Variants in CSMD3 observed in about 807,000 individuals in gnomAD.
CSMD3 encodes CUB and Sushi multiple domains 3.
In CSMD3, 177 loss-of-function variants were observed where a neutral mutation model predicts 435.2. The ratio of observed to expected loss-of-function variants is 0.41; its 90% CI spans 0.36 to 0.46. CSMD3 has a LOEUF of 0.46. Ranked by LOEUF, CSMD3 falls within the 20% of genes least tolerant of loss-of-function variation. The pLI is 0.34. For missense variants in CSMD3, 4,265 were observed against 4,504.6 expected, an observed-to-expected ratio of 0.95 and a Z score of 1.52; for synonymous variants, 1,656 against 1,520.5, an observed-to-expected ratio of 1.09 and a Z score of -2.07.
chr8:113,317,276 A>G (rs2093917507), intron 1 of CSMD3, among the ~76,000 whole-genome samples: 1 of 152,148 alleles, frequency 6.6e-6, no homozygotes, highest in South Asian at 2.1e-4. Flanking sequence ...ACCCATTTCT[A>G]TTAGTTTTCT....
At chr8:112,596,576 C>G (rs1050056595) in intron 22 of CSMD3, among the ~76,000 whole-genome samples, 2 of 152,140 alleles carry the variant, frequency 1.3e-5, no homozygotes, top group African/African-American at 2.4e-5. Context: ...TTTTTCAGCA[C>G]CACACCACAC....
chr8:112,847,846 T>C (rs1040391782), intron 11 of CSMD3, among the ~76,000 whole-genome samples: 17 of 152,164 alleles, frequency 1.1e-4, no homozygotes, highest in African/African-American at 3.9e-4. Context: ...TTCTGATGCC[T>C]GAAGACTTTA....
Position 113,080,473 on chromosome 8 carries a change from T to C in CSMD3, c.917+18283A>G, listed in dbSNP as rs552333825. Reference sequence around the variant, plus strand: ...CAGAAAATTGACATATAATGAATAATTTTATTTGCCTTTGAGGAGTTATCT... The same window carrying C: ...CAGAAAATTGACATATAATGAATAACTTTATTTGCCTTTGAGGAGTTATCT... On this transcript the variant is annotated intron_variant, in intron 5 of 70. Transcript: ENST00000297405. Among the ~76,000 whole-genome samples, 9 of 152,242 alleles carry C rather than the reference T, an allele frequency of 5.9e-5. No individual in the cohort carries two copies. The East Asian group carries it at 1.5e-3, about 26-fold the overall frequency.
intron 6 of CSMD3, among the ~76,000 whole-genome samples, chr8:112,985,596 A>G (rs1313393583): frequency 3.9e-5 from 6 of 152,140 alleles, no homozygotes; most frequent in Admixed American, 2.6e-4. Flanking sequence ...GAACTGGGCC[A>G]CACAGCCGAA....
At chr8:113,418,494 T>C (rs961073412) in intron 1 of CSMD3, among the ~76,000 whole-genome samples, 5 of 152,078 alleles carry the variant, frequency 3.3e-5, no homozygotes, top group African/African-American at 9.7e-5. Context: ...CAGAAAGATG[T>C]GGTTAAGTCA....
chr8:112,494,491 TC>T (rs1821055783), intron 30 of CSMD3, among the ~76,000 whole-genome samples: 1 of 100,496 alleles, frequency 1.0e-5, no homozygotes, highest in African/African-American at 2.9e-5. Context: ...TGTTTCTTTC[TC>T]TCCTTTCTTT....
chr8:113,223,741 T>C (rs1334796003), intron 3 of CSMD3, among the ~76,000 whole-genome samples: 2 of 133,880 alleles, frequency 1.5e-5, no homozygotes, highest in East Asian at 4.1e-4. Flanking sequence ...TACTTTAAGC[T>C]GTGTGTGTTT....
At position 112,608,145 on chromosome 8, in the gene CSMD3, T is replaced by A. The variant is rs186735329; in HGVS notation, c.3716-20910A>T. Among the ~76,000 whole-genome samples the A allele has an allele frequency of 5.3e-5, 8 of 152,214 alleles. No individual in the cohort carries two copies. The East Asian group carries it at 1.5e-3, about 29-fold the overall frequency. On this transcript the variant is annotated intron_variant, in intron 22 of 70. Transcript: ENST00000297405. ...CATTAACATATAAAAATTAGTTGTG[T>A]TTCCATATACTAACAATGAACTATT...
chr8:113,094,592 A>T (rs1041156486), intron 5 of CSMD3, among the ~76,000 whole-genome samples: 7 of 152,210 alleles, frequency 4.6e-5, no homozygotes, highest in Non-Finnish European at 1.0e-4. Context: ...GGTCTTATTT[A>T]TTCTATCAAA....
intron 4 of CSMD3, among the ~76,000 whole-genome samples, chr8:113,102,992 G>A (rs1199977958): frequency 2.0e-5 from 3 of 152,078 alleles, no homozygotes; most frequent in Non-Finnish European, 4.4e-5. Context: ...AAGAGTCCAC[G>A]CAAATTCTTG....
intron 13 of CSMD3, among the ~76,000 whole-genome samples, chr8:112,798,363 A>G (rs1234448369): frequency 6.6e-6 from 1 of 151,872 alleles, no homozygotes; most frequent in Non-Finnish European, 1.5e-5. Context: ...TAGGGATAAA[A>G]AAACAGAATT....
intron 22 of CSMD3, among the ~76,000 whole-genome samples, chr8:112,609,230 A>AAAAG (rs1833054373): frequency 6.9e-6 from 1 of 145,526 alleles, no homozygotes; most frequent in Non-Finnish European, 1.5e-5. Context: ...AAAAAAAAAA[A>AAAAG]AAGAATAGAA....
intron 3 of CSMD3, among the ~76,000 whole-genome samples, chr8:113,225,718 GA>G (rs972098104): frequency 1.2e-4 from 18 of 151,558 alleles, no homozygotes; most frequent in Admixed American, 3.3e-4. Context: ...AATTCAGGGG[GA>G]AAAAAGCTAG....
At chr8:112,968,815 T>G (rs187717265) in intron 7 of CSMD3, among the ~76,000 whole-genome samples, 190 of 152,138 alleles carry the variant, frequency 1.2e-3, no homozygotes, top group Non-Finnish European at 2.2e-3. Flanking sequence ...GATTACTTGC[T>G]GGGCATACAT....
intron 62 of CSMD3, among the ~76,000 whole-genome samples, chr8:112,254,691 T>C (rs1193787444): frequency 2.6e-5 from 4 of 152,070 alleles, no homozygotes; most frequent in Non-Finnish European, 5.9e-5. Context: ...TGGGGTAGGG[T>C]AATATTTCTT....
chr8:112,602,357 GGAGTCCGA>G (rs1172421205), intron 22 of CSMD3, among the ~76,000 whole-genome samples: 1 of 152,160 alleles, frequency 6.6e-6, no homozygotes, highest in African/African-American at 2.4e-5. Context: ...CCTGAGGTCA[GGAGTCCGA>G]GACCAGCCTG....
intron 32 of CSMD3, among the ~76,000 whole-genome samples, chr8:112,449,927 T>C (rs6469420): frequency 0.43 from 64,907 of 152,032 alleles, 14,844 homozygotes; most frequent in Middle Eastern, 0.6. Context: ...CTTTGCCATG[T>C]TGGCCAGGCT....
intron 3 of CSMD3, among the ~76,000 whole-genome samples, chr8:113,260,863 T>A (rs1211463266): frequency 6.6e-6 from 1 of 152,160 alleles, no homozygotes; most frequent in Non-Finnish European, 1.5e-5. Context: ...CTGAGAGTGA[T>A]GGCTTCCAGC....
chr8:112,440,875 C>T (rs137922639), intron 32 of CSMD3, among the ~76,000 whole-genome samples: 1 of 152,278 alleles, frequency 6.6e-6, no homozygotes, highest in Non-Finnish European at 1.5e-5. Context: ...CTGGCCCATG[C>T]AACCATTTTT....
Sources: allele counts gnomAD v4.1 joint callset (sites outside exome capture counted in the v4.1 genomes callset), GRCh38; gene constraint gnomAD v4.1.1; transcripts MANE v1.5; gene names NCBI Gene and HGNC (gene_info 2026-07-23, HGNC 2026-07-21).